CCDC179: variants seen among roughly 807,000 people sequenced by gnomAD.
The protein encoded by CCDC179 is coiled-coil domain-containing protein 179.
Under a neutral mutation model 12.0 loss-of-function variants are expected in CCDC179, and 17 were observed. The observed-to-expected ratio is 1.42, with a 90% confidence interval of 0.97 to 2.13. CCDC179 has a LOEUF of 2.13. CCDC179 is among the 30% of genes most tolerant of loss of function. CCDC179 has a pLI of 0.00. For missense variants in CCDC179, 83 were observed against 78.6 expected, an observed-to-expected ratio of 1.06 and a Z score of -0.21; for synonymous variants, 27 against 26.4, an observed-to-expected ratio of 1.02 and a Z score of -0.07.
At chr11:22,850,853 A>G (rs939727221) in intron 3 of CCDC179, among the ~76,000 whole-genome samples, 1 of 148,086 alleles carries the variant, frequency 6.8e-6, no homozygotes, top group African/African-American at 2.5e-5. Flanking sequence ...TAGACCCAGG[A>G]ATAATTCTCT....
chr11:22,858,062 T>A, intron 2 of CCDC179, 36 bp from the exon 3 acceptor site: 1 of 1,324,086 alleles, frequency 7.6e-7, no homozygotes, highest in Non-Finnish European at 1.0e-6. Context: ...AAATCATACT[T>A]TTTTGTAACA....
At chr11:22,855,460 G>T (rs906759222) in intron 3 of CCDC179, among the ~76,000 whole-genome samples, 1 of 151,414 alleles carries the variant, frequency 6.6e-6, no homozygotes, top group Non-Finnish European at 1.5e-5. Flanking sequence ...CACATAGATC[G>T]ATGAAGAGGT....
intron 3 of CCDC179, among the ~76,000 whole-genome samples, chr11:22,850,956 A>AT (rs1361820700): frequency 1.4e-3 from 9 of 6,284 alleles, no homozygotes; most frequent in Non-Finnish European, 3.4e-3. Context: ...ATATATATAT[A>AT]TATATATATA....
At chr11:22,858,633 T>G (rs1473701456) in intron 2 of CCDC179, among the ~76,000 whole-genome samples, 6 of 152,024 alleles carry the variant, frequency 3.9e-5, no homozygotes, top group African/African-American at 1.4e-4. Flanking sequence ...GAATATAAAC[T>G]TGAACAATTG....
intron 2 of CCDC179, among the ~76,000 whole-genome samples, 187 bp downstream of exon 2, chr11:22,859,265 T>C (rs1045047795): frequency 6.6e-6 from 1 of 152,160 alleles, no homozygotes; most frequent in Middle Eastern, 3.2e-3. Flanking sequence ...AAAAATAACA[T>C]AAGCCATTTA....
chr11:22,855,277 C>T (rs11026816), intron 3 of CCDC179, among the ~76,000 whole-genome samples: 55,654 of 151,248 alleles, frequency 0.37, 10,777 homozygotes, highest in East Asian at 0.64. Context: ...GGAACATTCA[C>T]CAAGACAGAT....
intron 3 of CCDC179, among the ~76,000 whole-genome samples, chr11:22,854,543 C>G (rs891875323): frequency 8.6e-5 from 13 of 151,552 alleles, no homozygotes; most frequent in African/African-American, 3.1e-4. Flanking sequence ...CAAAGGAAAC[C>G]ACTGAAAAAG....
At chr11:22,860,309 C>T in intron 1 of CCDC179, 68 bp downstream of exon 1, 1 of 1,496,454 alleles carries the variant, frequency 6.7e-7, no homozygotes. Flanking sequence ...GCCAAGGCCA[C>T]AGTGGCCTGG....
rs141914517 is a variant in CCDC179, at chr11:22,848,945, A to G, written c.196-1424T>C. Among the ~76,000 whole-genome samples, 35 of 152,336 alleles carry G rather than the reference A, an allele frequency of 2.3e-4. No individual in the cohort carries two copies. The East Asian group carries it at 6.2e-3, about 27-fold the overall frequency. ...CTATGTTAAAAATTATCAATCCACA[A>G]TGATTTGAAAATTAAAATGAAATGA... On this transcript the variant is annotated intron_variant, in intron 3 of 3. Transcript: ENST00000532798.
intron 2 of CCDC179, among the ~76,000 whole-genome samples, chr11:22,858,896 A>G (rs1858596719): frequency 6.6e-6 from 1 of 152,140 alleles, no homozygotes; most frequent in South Asian, 2.1e-4. Context: ...GTGAAAATAA[A>G]GAAACTATAT....
intron 3 of CCDC179, among the ~76,000 whole-genome samples, chr11:22,849,895 C>T (rs1376124495): frequency 6.6e-6 from 1 of 152,102 alleles, no homozygotes; most frequent in East Asian, 1.9e-4. Flanking sequence ...ACAGCTCTCT[C>T]TCTAGTGAGA....
rs2134820202 is a variant in CCDC179, at chr11:22,847,093, T to A, written c.*417A>T. Reference sequence around the variant, plus strand: ...AACAGTCTCCTAGGACTGTTTAAAGTATTTAAACATTTTGTTTAAATGGAA... The same window carrying A: ...AACAGTCTCCTAGGACTGTTTAAAGAATTTAAACATTTTGTTTAAATGGAA... On this transcript the variant is annotated 3_prime_UTR_variant, in exon 4 of 4. Transcript: ENST00000532798. 6.5e-6 allele frequency: 1 copy of A among 154,078 alleles called. No individual in the cohort carries two copies. Among genetic ancestry groups the A allele is most frequent in the East Asian group, 1.9e-4 (1 of 5,270 alleles). 9.5% of individuals were successfully genotyped at this position (154,078 alleles called of 1,614,324 possible).
Position 22,849,817 on chromosome 11 carries a change from T to G in CCDC179, c.196-2296A>C, listed in dbSNP as rs570167945. On this transcript the variant is annotated intron_variant, in intron 3 of 3. Coordinates refer to ENST00000532798, the MANE Select transcript of CCDC179 (RefSeq NM_001195637.2). The stretch of plus-strand genomic sequence containing the variant: ...GTTCGTTGTCCCGTACCAAGAAAAT[T>G]TAGGACACGGACACACATGAGGAAT... 6.6e-5 allele frequency among the ~76,000 whole-genome samples: 10 copies of G among 152,146 alleles called. No homozygotes were observed. The South Asian group carries it at 8.3e-4, about 13-fold the overall frequency.
chr11:22,858,108 T>C (rs1165554096), intron 2 of CCDC179, 82 bp from the exon 3 acceptor site: 21 of 886,952 alleles, frequency 2.4e-5, no homozygotes, highest in Non-Finnish European at 3.4e-5. Context: ...TTTTGGTTTG[T>C]GTCAATAAAA....
At chr11:22,858,938 A>G (rs1045124101) in intron 2 of CCDC179, among the ~76,000 whole-genome samples, 2 of 152,160 alleles carry the variant, frequency 1.3e-5, no homozygotes, top group Non-Finnish European at 2.9e-5. Context: ...AGGAAATAAT[A>G]TTGAGAAAAA....
intron 3 of CCDC179, among the ~76,000 whole-genome samples, chr11:22,853,622 A>G (rs1052313697): frequency 6.7e-6 from 1 of 150,330 alleles, no homozygotes; most frequent in African/African-American, 2.4e-5. Flanking sequence ...ACTGAGCAAC[A>G]ATTACAAAAA....
intron 2 of CCDC179, 118 bp downstream of exon 2, chr11:22,859,334 A>C: frequency 1.9e-6 from 1 of 519,472 alleles, no homozygotes; most frequent in Middle Eastern, 3.8e-4. Context: ...GTCCCAAGAA[A>C]TATACTGAAG....
intron 3 of CCDC179, among the ~76,000 whole-genome samples, chr11:22,848,095 A>T (rs1564913962): frequency 1.3e-5 from 2 of 152,206 alleles, no homozygotes; most frequent in African/African-American, 4.8e-5. Context: ...TTTAAGGATA[A>T]TTTTAACATT....
chr11:22,853,479 G>A (rs1004898735), intron 3 of CCDC179, among the ~76,000 whole-genome samples: 15 of 152,022 alleles, frequency 9.9e-5, no homozygotes, highest in African/African-American at 3.4e-4. Context: ...AATGAAGCAT[G>A]ACATTGATGG....
Sources: gnomAD v4.1 joint callset for allele counts (sites outside exome capture counted in the v4.1 genomes callset) on GRCh38, gnomAD v4.1.1 for gene constraint, MANE v1.5 for transcripts, NCBI Gene and HGNC (gene_info 2026-07-23, HGNC 2026-07-21) for gene names.